The following CSMD2 variants were observed in gnomAD, a reference collection of about 807,000 sequenced individuals.
CSMD2 encodes the protein CUB and sushi domain-containing protein 2.
Under a neutral mutation model 398.5 loss-of-function variants are expected in CSMD2, and 130 were observed. The ratio of observed to expected loss-of-function variants is 0.33; its 90% CI spans 0.28 to 0.38. The LOEUF is 0.38. Ranked by LOEUF, CSMD2 falls within the 10% of genes least tolerant of loss-of-function variation. The pLI is 1.00. For missense variants in CSMD2, 3,829 were observed against 4,764.9 expected, an observed-to-expected ratio of 0.80 and a Z score of 5.78; for synonymous variants, 1,828 against 1,908.5, an observed-to-expected ratio of 0.96 and a Z score of 1.10.
At chr1:33,573,161 C>T (rs952011281) in intron 49 of CSMD2, among the ~76,000 whole-genome samples, 3 of 152,158 alleles carry the variant, frequency 2.0e-5, no homozygotes, top group African/African-American at 7.2e-5. Flanking sequence ...TGCCCCATTG[C>T]CTACTCAGGT....
chr1:34,013,429 T>A (rs74070221), intron 3 of CSMD2, among the ~76,000 whole-genome samples: 1,844 of 152,076 alleles, frequency 0.012, 41 homozygotes, highest in African/African-American at 0.041. Context: ...ACCCACCAGC[T>A]CTCCTGAGAC....
In CSMD2 at chr1:33,559,814, C is replaced by T. The variant is rs1295183854; in HGVS notation, c.8381-341G>A. On this transcript the variant is annotated intron_variant, in intron 53 of 70. Coordinates refer to ENST00000373381, the MANE Select transcript of CSMD2 (RefSeq NM_001281956.2). This position sits in a 1 kb window ranked among gnomAD's most constrained non-coding sequence, Gnocchi z 4.0. ...GGCTCCCCAGATCCATTCTTAATTG[C>T]TGGGTATACTGATGGCCAACTGTCA... Among the ~76,000 whole-genome samples the T allele has an allele frequency of 2.0e-5, 3 of 152,098 alleles. No homozygotes were observed. The highest frequency in any genetic ancestry group is 7.2e-5 in the African/African-American group (3 of 41,406).
At chr1:33,811,008 C>T (rs1656808279) in intron 9 of CSMD2, 144 bp from the exon 10 acceptor site, 1 of 878,770 alleles carries the variant, frequency 1.1e-6, no homozygotes, top group Non-Finnish European at 1.7e-6. Context: ...CCTTCCTCTA[C>T]AGTTCTTGGG....
intron 10 of CSMD2, among the ~76,000 whole-genome samples, chr1:33,795,318 C>G (rs558422378): frequency 6.6e-6 from 1 of 152,162 alleles, no homozygotes; most frequent in Non-Finnish European, 1.5e-5. Flanking sequence ...CAGAATGTTC[C>G]CTGTTGGCTA....
intron 1 of CSMD2, among the ~76,000 whole-genome samples, chr1:34,161,601 A>G (rs898121337): frequency 6.6e-6 from 1 of 152,248 alleles, no homozygotes; most frequent in African/African-American, 2.4e-5. Flanking sequence ...ACAGAGAGAT[A>G]AAAGAAAATA....
rs1040746491 is a variant in CSMD2, at chr1:33,515,310, A to T, written c.*1314T>A. On this transcript the variant is annotated 3_prime_UTR_variant, in exon 71 of 71. Coordinates refer to ENST00000373381, the MANE Select transcript of CSMD2 (RefSeq NM_001281956.2). ...AGCACCAACCGTGGGAGGCCTGGGG[A>T]GTTGAATCCTTGCCCCGAAGCTGCC... is the stretch of plus-strand genomic sequence containing the variant. The T allele has an allele frequency of 5.9e-5, 9 of 152,192 alleles. No homozygotes were observed. The highest frequency in any genetic ancestry group is 1.9e-4 in the African/African-American group (8 of 41,436). 9.4% of individuals were successfully genotyped at this position (152,192 alleles called of 1,614,324 possible). A position where few individuals can be genotyped will look rare whatever the true frequency, so the allele number is the denominator to read the frequency against.
At chr1:33,887,236 C>T (rs573857026) in intron 5 of CSMD2, among the ~76,000 whole-genome samples, 46 of 82,238 alleles carry the variant, frequency 5.6e-4, no homozygotes, top group Non-Finnish European at 7.5e-4. Flanking sequence ...AAGAAATAAT[C>T]ATAAATTCAG....
chr1:33,739,786 A>C (rs1342003532), intron 14 of CSMD2, among the ~76,000 whole-genome samples: 1 of 152,092 alleles, frequency 6.6e-6, no homozygotes, highest in Non-Finnish European at 1.5e-5. Flanking sequence ...GCTGGACTCT[A>C]AATTCTGTGA....
intron 3 of CSMD2, among the ~76,000 whole-genome samples, chr1:33,951,067 A>C (rs1374620535): frequency 6.6e-6 from 1 of 152,180 alleles, no homozygotes; most frequent in Non-Finnish European, 1.5e-5. Context: ...TCTATCTGAC[A>C]ATCTGACCCA....
At chr1:33,905,558 C>T (rs1179383269) in intron 5 of CSMD2, among the ~76,000 whole-genome samples, 1 of 152,154 alleles carries the variant, frequency 6.6e-6, no homozygotes, top group African/African-American at 2.4e-5. Flanking sequence ...AAAGAACTGT[C>T]TCAGCAATTG....
intron 2 of CSMD2, among the ~76,000 whole-genome samples, chr1:34,034,035 A>T (rs888964172): frequency 6.6e-6 from 1 of 152,162 alleles, no homozygotes; most frequent in Non-Finnish European, 1.5e-5. Flanking sequence ...CCAGCAAAAG[A>T]TCCCTACCTC....
intron 8 of CSMD2, 63 bp downstream of exon 8, chr1:33,820,406 T>C: frequency 9.3e-7 from 1 of 1,080,902 alleles, no homozygotes; most frequent in Non-Finnish European, 1.4e-6. Context: ...CCAGCCCCTG[T>C]CTTCCTCCCA....
At chr1:33,700,165 C>T (rs1011836927) in intron 23 of CSMD2, among the ~76,000 whole-genome samples, 1 of 152,084 alleles carries the variant, frequency 6.6e-6, no homozygotes, top group Non-Finnish European at 1.5e-5. Flanking sequence ...CCCGCCACCA[C>T]GCCCAGCTAA....
intron 2 of CSMD2, among the ~76,000 whole-genome samples, chr1:34,069,297 CA>C (rs1472999443): frequency 6.6e-6 from 1 of 152,178 alleles, no homozygotes; most frequent in African/African-American, 2.4e-5. Context: ...TCTCTGTCTG[CA>C]GTGGTGAACA....
chr1:34,085,445 C>T (rs1657764074), intron 2 of CSMD2, among the ~76,000 whole-genome samples: 1 of 151,800 alleles, frequency 6.6e-6, no homozygotes, highest in Non-Finnish European at 1.5e-5. Flanking sequence ...ATGATAATCA[C>T]GTTTGCATTA....
chr1:33,534,326 G>A (rs1565785), intron 62 of CSMD2, among the ~76,000 whole-genome samples: 26,249 of 152,184 alleles, frequency 0.17, 2,681 homozygotes, highest in East Asian at 0.3. Flanking sequence ...GGATTTGACA[G>A]CATTTTACAA....
Position 33,537,472 on chromosome 1 carries a change from C to T in CSMD2, c.9769G>A (p.Asp3257Asn), listed in dbSNP as rs1325962372. 4.3e-6 allele frequency: 7 copies of T among 1,614,050 alleles called. No homozygotes were observed. The East Asian group carries it at 1.6e-4, about 36-fold the overall frequency. ...GGCTGGGTGCCACTCCATGTCCCAT[C>T]TGACTGGCAAAACCTGCGTGGAGAG... The part of the protein sequence containing the change: ...VGSPRRFCQS[D>N]GTWSGTQPSC... Residue 3257 changes from aspartate (D) to asparagine (N), a missense_variant, in exon 61 of 71, where the codon GAT (aspartate) becomes AAT (asparagine). Physicochemically the swap from Asp to Asn is conservative, Grantham distance 23. This residue lies in a region of CSMD2 where 917 missense variants were observed against 1,199.5 expected (regional missense o/e 0.76). Transcript: ENST00000373381. This position sits in a 1 kb window ranked among gnomAD's most constrained non-coding sequence, Gnocchi z 4.6.
At chr1:33,915,571 T>C (rs1410021280) in intron 5 of CSMD2, among the ~76,000 whole-genome samples, 1 of 152,228 alleles carries the variant, frequency 6.6e-6, no homozygotes, top group Non-Finnish European at 1.5e-5. Flanking sequence ...TCTTTCAGAT[T>C]TGTTTCACTC....
chr1:33,647,034 G>A (rs1443294097), intron 28 of CSMD2, among the ~76,000 whole-genome samples, 199 bp from the exon 29 acceptor site: 5 of 152,170 alleles, frequency 3.3e-5, no homozygotes, highest in Non-Finnish European at 5.9e-5. Context: ...AGATGGAAGA[G>A]GCAGGCTCAG....
Sources: allele counts gnomAD v4.1 joint callset (sites outside exome capture counted in the v4.1 genomes callset), GRCh38; gene constraint gnomAD v4.1.1; regional missense constraint gnomAD v4.1.1; non-coding constraint Gnocchi (gnomAD v3.1); transcripts MANE v1.5; gene names NCBI Gene and HGNC (gene_info 2026-07-23, HGNC 2026-07-21).